The following DOCK3 variants were observed in gnomAD, a reference collection of about 807,000 sequenced individuals.
DOCK3 encodes dedicator of cytokinesis protein 3.
A neutral mutation model predicts 265.6 loss-of-function variants in DOCK3; 60 were observed. That is an observed-to-expected ratio of 0.23 (90% confidence interval 0.18 to 0.28). DOCK3 has a LOEUF of 0.28. Ranked by LOEUF, DOCK3 falls within the 10% of genes least tolerant of loss-of-function variation. The pLI is 1.00. For synonymous variants in DOCK3, 881 were observed against 938.0 expected (o/e 0.94, Z 1.11); for missense variants, 1,981 against 2,594.3 (o/e 0.76, Z 5.14).
chr3:50,895,674 A>G (rs941302042), intron 4 of DOCK3, among the ~76,000 whole-genome samples: 3 of 151,612 alleles, frequency 2.0e-5, no homozygotes, highest in African/African-American at 4.8e-5. Context: ...TAGCTCCCCA[A>G]CCCCCAACAG....
intron 3 of DOCK3, among the ~76,000 whole-genome samples, chr3:50,844,022 G>A (rs2045966832): frequency 6.6e-6 from 1 of 152,154 alleles, no homozygotes; most frequent in South Asian, 2.1e-4. Flanking sequence ...AAAAGGCTAA[G>A]AAGTGATCTT....
intron 4 of DOCK3, among the ~76,000 whole-genome samples, chr3:50,896,607 T>G (rs1575472277): frequency 6.6e-6 from 1 of 152,238 alleles, no homozygotes; most frequent in East Asian, 1.9e-4. Context: ...TTCTAGGGTT[T>G]TTATGGTTTT....
chr3:51,259,572 T>G (rs945797291), intron 22 of DOCK3, among the ~76,000 whole-genome samples: 1 of 152,184 alleles, frequency 6.6e-6, no homozygotes, highest in African/African-American at 2.4e-5. Flanking sequence ...GATGTCTTGG[T>G]GGGAAGAGGG....
At chr3:50,901,490 T>G (rs2049193859) in intron 4 of DOCK3, among the ~76,000 whole-genome samples, 1 of 152,116 alleles carries the variant, frequency 6.6e-6, no homozygotes, top group African/African-American at 2.4e-5. Flanking sequence ...ATGGTTCTGC[T>G]TGCTGGCGTT....
intron 1 of DOCK3, among the ~76,000 whole-genome samples, chr3:50,769,627 A>C (rs775743426): frequency 6.6e-6 from 1 of 151,912 alleles, no homozygotes. Context: ...CCTGGCCAAC[A>C]TGGTGAAACC....
At chr3:50,949,123 G>C (rs1008465452) in intron 5 of DOCK3, among the ~76,000 whole-genome samples, 3 of 152,062 alleles carry the variant, frequency 2.0e-5, no homozygotes, top group Non-Finnish European at 2.9e-5. Context: ...GCTAGATTTC[G>C]TAGGACATCA....
At position 51,359,691 on chromosome 3, in the gene DOCK3, C is replaced by T. The variant is rs922616032; in HGVS notation, c.4885-820C>T. 2.0e-4 allele frequency among the ~76,000 whole-genome samples: 30 copies of T among 152,188 alleles called. No individual in the cohort carries two copies. Among genetic ancestry groups the T allele is most frequent in the African/African-American group, 7.0e-4 (29 of 41,440 alleles). On this transcript the variant is annotated intron_variant, in intron 46 of 52. Coordinates refer to ENST00000266037, the MANE Select transcript of DOCK3 (RefSeq NM_004947.5). This position sits in a 1 kb window ranked among gnomAD's most constrained non-coding sequence, Gnocchi z 4.8. ...CTTTCCTATATACATCACGTTCTTC[C>T]GTGTGCACACATAGCCTTTCTCCAG...
At chr3:51,272,264 A>G (rs1486734858) in intron 24 of DOCK3, among the ~76,000 whole-genome samples, 2 of 141,226 alleles carry the variant, frequency 1.4e-5, no homozygotes, top group East Asian at 4.3e-4. Flanking sequence ...TTTGGTGGTT[A>G]ATTTTTTAGG....
rs145582836 is a variant in DOCK3 at position 51,227,895 on chromosome 3, A to G, written c.1541-87A>G. ...GTTAATGAAAGAGGCGAGGAACAAA[A>G]GAGCATAGGTGATAAGCACAAGGAG... is the stretch of plus-strand genomic sequence containing the variant. On this transcript the variant is annotated intron_variant, in intron 16 of 52. Transcript: ENST00000266037. The G allele has an allele frequency of 9.5e-5, 124 of 1,301,478 alleles. No homozygotes were observed. In the African/African-American group the frequency reaches 1.7e-3, roughly 17 times the overall value. 80.6% of individuals were successfully genotyped at this position (1,301,478 alleles called of 1,614,324 possible).
intron 12 of DOCK3, among the ~76,000 whole-genome samples, chr3:51,206,631 C>T (rs987061874): frequency 6.6e-6 from 1 of 151,992 alleles, no homozygotes; most frequent in Non-Finnish European, 1.5e-5. Flanking sequence ...TCTTTGTAGG[C>T]TTTTTCAATG....
chr3:51,382,741 A>G lies in DOCK3; in HGVS notation c.*1182A>G, dbSNP rs968065867. ...CCCACTCCAGGCCATGGGGACCACC[A>G]CTCAGGGTTCGGGGCTGGCAGGAGG... is the stretch of plus-strand genomic sequence containing the variant. On this transcript the variant is annotated 3_prime_UTR_variant, in exon 53 of 53. Transcript: ENST00000266037. The G allele has an allele frequency of 6.6e-6, 1 of 152,192 alleles. No individual in the cohort carries two copies. The highest frequency in any genetic ancestry group is 6.6e-5 in the Admixed American group (1 of 15,260). 9.4% of individuals were successfully genotyped at this position (152,192 alleles called of 1,614,324 possible). A position where few individuals can be genotyped will look rare whatever the true frequency, so the allele number is the denominator to read the frequency against.
Position 51,332,241 on chromosome 3 carries a change from C to G in DOCK3, c.3489-760C>G, listed in dbSNP as rs899254265. ...GGGTTGTATGGAGTGAAGGATGGAC[C>G]TGGGCTCATCACTGGAACAAGCAGA... On this transcript the variant is annotated intron_variant, in intron 33 of 52. Coordinates refer to ENST00000266037, the MANE Select transcript of DOCK3 (RefSeq NM_004947.5). 8.5e-5 allele frequency among the ~76,000 whole-genome samples: 13 copies of G among 152,304 alleles called. No homozygotes were observed. The South Asian group carries it at 2.3e-3, about 27-fold the overall frequency.
intron 14 of DOCK3, among the ~76,000 whole-genome samples, chr3:51,220,616 C>T (rs909186326): frequency 2.1e-5 from 3 of 145,110 alleles, no homozygotes; most frequent in Admixed American, 7.1e-5. Flanking sequence ...GAGATTGTGC[C>T]GCTGTACTCC....
At chr3:50,933,930 C>A in intron 4 of DOCK3, 51 bp from the exon 5 acceptor site, 2 of 1,294,884 alleles carry the variant, frequency 1.5e-6, no homozygotes, top group Non-Finnish European at 2.1e-6. Flanking sequence ...GACAGTTTGC[C>A]GAGATTTTTT....
chr3:51,318,086 A>T (rs1054780650), intron 32 of DOCK3, among the ~76,000 whole-genome samples: 6 of 152,152 alleles, frequency 3.9e-5, no homozygotes, highest in African/African-American at 1.4e-4. Flanking sequence ...TGATTCTATA[A>T]ATCAAATTGG....
intron 5 of DOCK3, among the ~76,000 whole-genome samples, chr3:50,988,533 A>C (rs892643821): frequency 1.3e-5 from 2 of 152,106 alleles, no homozygotes; most frequent in African/African-American, 4.8e-5. Context: ...CCTCTACCAA[A>C]ATGTGGTGAG....
chr3:50,683,616 GT>G (rs1304689731), intron 1 of DOCK3, among the ~76,000 whole-genome samples: 2 of 152,160 alleles, frequency 1.3e-5, no homozygotes, highest in Non-Finnish European at 2.9e-5. Context: ...CTTAGCCTTA[GT>G]TCATGGCTAT....
chr3:51,110,148 C>T (rs1041441884), intron 9 of DOCK3, among the ~76,000 whole-genome samples: 4 of 152,006 alleles, frequency 2.6e-5, no homozygotes, highest in Non-Finnish European at 5.9e-5. Flanking sequence ...ATGACAAACT[C>T]CAAAACTGAA....
In DOCK3 at chr3:51,304,066, C is replaced by T. The variant is rs544989347; in HGVS notation, c.2923-6166C>T. 2.0e-5 allele frequency among the ~76,000 whole-genome samples: 3 copies of T among 152,086 alleles called. No homozygotes were observed. The East Asian group carries it at 5.8e-4, about 29-fold the overall frequency. On this transcript the variant is annotated intron_variant, in intron 27 of 52. Coordinates refer to ENST00000266037, the MANE Select transcript of DOCK3 (RefSeq NM_004947.5). ...ACCATAGCCGCAGGTCTCCGCAGCC[C>T]CTCAGTCCCAGGGAGATCAAAGTTC...
Sources: allele counts gnomAD v4.1 joint callset (sites outside exome capture counted in the v4.1 genomes callset), GRCh38; gene constraint gnomAD v4.1.1; non-coding constraint Gnocchi (gnomAD v3.1); transcripts MANE v1.5; gene names NCBI Gene and HGNC (gene_info 2026-07-23, HGNC 2026-07-21).